RAB11FIP5: variants seen among roughly 807,000 people sequenced by gnomAD.
RAB11FIP5 encodes the protein RAB11 family interacting protein 5.
In RAB11FIP5, 48 loss-of-function variants were observed where a neutral mutation model predicts 85.1. The ratio of observed to expected loss-of-function variants is 0.56; its 90% CI spans 0.45 to 0.72. The LOEUF (loss-of-function observed/expected upper bound fraction) is 0.72, where lower values mean the gene tolerates loss of function less well. Ranked by LOEUF, RAB11FIP5 falls within the 30% of genes least tolerant of loss-of-function variation. RAB11FIP5 has a pLI of 0.00. For synonymous variants in RAB11FIP5, 729 were observed against 727.3 expected (o/e 1.00, Z -0.04); for missense variants, 1,491 against 1,687.0 (o/e 0.88, Z 2.04).
At chr2:73,111,881 G>T (rs1037336020) in intron 1 of RAB11FIP5, among the ~76,000 whole-genome samples, 4 of 152,136 alleles carry the variant, frequency 2.6e-5, no homozygotes, top group African/African-American at 9.7e-5. Context: ...ATTCAACCTC[G>T]CCCTGGAGGA....
intron 3 of RAB11FIP5, among the ~76,000 whole-genome samples, chr2:73,087,393 C>T (rs1473179882): frequency 1.3e-5 from 2 of 152,224 alleles, no homozygotes; most frequent in East Asian, 3.8e-4. Flanking sequence ...CAGCACTTCC[C>T]ACGGTGCCAT....
chr2:73,108,338 G>T (rs981427365), intron 1 of RAB11FIP5, among the ~76,000 whole-genome samples: 1 of 152,192 alleles, frequency 6.6e-6, no homozygotes, highest in East Asian at 1.9e-4. Flanking sequence ...TGACGATCCT[G>T]TCTGCCACAC....
chr2:73,088,685 G>A lies in RAB11FIP5; in HGVS notation c.933C>T (p.Asn311=). Residue 311 remains asparagine, a synonymous_variant, in exon 3 of 6, where the codon AAC becomes AAT. Coordinates refer to ENST00000486777, the MANE Select transcript of RAB11FIP5 (RefSeq NM_001371272.1). ...CCCGAGGAGGAGCCACTCGCATCTG[G>A]TTGGCCTCATCGCTGTAGGTCCTCT... ...THKRTYSDEA[N]QMRVAPPRAL... is the part of the protein sequence containing the mutation. 1.2e-6 allele frequency: 2 copies of A among 1,612,968 alleles called. No homozygotes were observed. Among genetic ancestry groups the A allele is most frequent in the Middle Eastern group, 1.7e-4 (1 of 6,060 alleles).
chr2:73,101,951 C>G (rs13416751), intron 1 of RAB11FIP5, among the ~76,000 whole-genome samples: 2 of 152,142 alleles, frequency 1.3e-5, no homozygotes, highest in South Asian at 4.1e-4. Flanking sequence ...AGAGCTTATG[C>G]CTTGGTGGAG....
intron 1 of RAB11FIP5, among the ~76,000 whole-genome samples, chr2:73,105,915 A>AAGGGGATG (rs1684516694): frequency 6.6e-6 from 1 of 152,242 alleles, no homozygotes; most frequent in African/African-American, 2.4e-5. Flanking sequence ...TGCTGTGGTC[A>AAGGGGATG]AGTCCAGTGA....
At chr2:73,090,751 G>A (rs570372238) in intron 1 of RAB11FIP5, among the ~76,000 whole-genome samples, 1 of 152,372 alleles carries the variant, frequency 6.6e-6, no homozygotes, top group African/African-American at 2.4e-5. Flanking sequence ...AGAGGACAGA[G>A]CGATGAATAG....
rs755426643 is a variant in RAB11FIP5, at chr2:73,075,416, A to C, written c.*105T>G. 8.4e-6 allele frequency: 10 copies of C among 1,183,494 alleles called. No individual in the cohort carries two copies. In the East Asian group the frequency reaches 2.3e-4, roughly 28 times the overall value. The allele number at this position is 1,183,494 out of a possible 1,614,324, so 73.3% of individuals were successfully genotyped here. A position where few individuals can be genotyped will look rare whatever the true frequency, so the allele number is the denominator to read the frequency against. On this transcript the variant is annotated 3_prime_UTR_variant, in exon 6 of 6. Coordinates refer to ENST00000486777, the MANE Select transcript of RAB11FIP5 (RefSeq NM_001371272.1). This position sits in a 1 kb window ranked among gnomAD's most constrained non-coding sequence, Gnocchi z 4.6. Reference sequence around the variant, plus strand: ...AGGAGGGAGAGGAGCAAGGAGTGACAAGGCAAGACAGACGATGCCCCACTG... The same window carrying C: ...AGGAGGGAGAGGAGCAAGGAGTGACCAGGCAAGACAGACGATGCCCCACTG...
At chr2:73,088,833 G>C in intron 2 of RAB11FIP5, 46 bp downstream of exon 2, 1 of 1,537,066 alleles carries the variant, frequency 6.5e-7, no homozygotes, top group Non-Finnish European at 8.7e-7. Flanking sequence ...CCCAAGGGGA[G>C]AGCCAGTGCC....
Position 73,089,209 on chromosome 2 carries a change from G to C in RAB11FIP5, c.538C>G (p.Leu180Val), listed in dbSNP as rs1349556321. Residue 180 changes from leucine (L) to valine (V), a missense_variant, in exon 2 of 6, where the codon CTG becomes GTG. Physicochemically the swap from Leu to Val is conservative, Grantham distance 32. Around this residue, in one of 3 missense-constraint regions of RAB11FIP5, gnomAD observed 1,211 missense variants for 1,338.0 expected, o/e 0.91. Transcript: ENST00000486777. This position sits in a 1 kb window ranked among gnomAD's most constrained non-coding sequence, Gnocchi z 4.6. Reference sequence around the variant, plus strand: ...GACCTTGGCTTGTCCTTCATGGACAGGTCAAACATACTGGCGCTCAGGTTG... The same window carrying C: ...GACCTTGGCTTGTCCTTCATGGACACGTCAAACATACTGGCGCTCAGGTTG... ...RNNLSASMFD[L>V]SMKDKPRSPF... The C allele has an allele frequency of 1.9e-6, 3 of 1,614,202 alleles. No individual in the cohort carries two copies. Among genetic ancestry groups the C allele is most frequent in the Non-Finnish European group, 2.5e-6 (3 of 1,180,036 alleles).
chr2:73,076,879 G>A lies in RAB11FIP5; in HGVS notation c.3582-697C>T, dbSNP rs143076827. Among the ~76,000 whole-genome samples the A allele has an allele frequency of 3.3e-5, 5 of 152,186 alleles. No homozygotes were observed. In the East Asian group the frequency reaches 5.8e-4, roughly 18 times the overall value. ...TTAGAACAGGACGTCGGTCTCTACC[G>A]GCCCACCACAAGTGGACTTGTTGAG... On this transcript the variant is annotated intron_variant, in intron 4 of 5. Transcript: ENST00000486777.
rs1337792797 is a variant in RAB11FIP5, at chr2:73,075,327, G to A, written c.*194C>T. ...GGGCTCCCAAAGACACACAAGTTGT[G>A]CACAGAACCTGATGCCTCCAAAGGG... is the stretch of plus-strand genomic sequence containing the variant. On this transcript the variant is annotated 3_prime_UTR_variant, in exon 6 of 6. Transcript: ENST00000486777. The surrounding 1 kb of genome is among the most constrained non-coding windows in gnomAD (Gnocchi z 4.6). The A allele has an allele frequency of 4.2e-6, 3 of 713,202 alleles. No homozygotes were observed. Among genetic ancestry groups the A allele is most frequent in the Non-Finnish European group, 7.6e-6 (3 of 394,106 alleles). The allele number at this position is 713,202 out of a possible 1,614,324, so 44.2% of individuals were successfully genotyped here.
chr2:73,076,306 G>T (rs1683860892), intron 4 of RAB11FIP5, 124 bp from the exon 5 acceptor site: 2 of 938,682 alleles, frequency 2.1e-6, no homozygotes, highest in Non-Finnish European at 3.2e-6. Context: ...GGTGGTAGCT[G>T]CCCCTACAGA....
intron 3 of RAB11FIP5, among the ~76,000 whole-genome samples, chr2:73,085,393 G>A (rs1029161044): frequency 1.1e-4 from 16 of 152,140 alleles, no homozygotes; most frequent in African/African-American, 2.9e-4. Context: ...TGTGGGGGGC[G>A]GGGAACAAGG....
rs188616518 is a variant in RAB11FIP5 at position 73,106,697 on chromosome 2, G to A, written c.431+5650C>T. ...TTTACCCCAAATCCTACAGCTCTGT[G>A]GGCTGCCCGGGTCTAATGGAAACCA... On this transcript the variant is annotated intron_variant, in intron 1 of 5. Transcript: ENST00000486777. Among the ~76,000 whole-genome samples the A allele has an allele frequency of 3.5e-3, 536 of 152,320 alleles. 5 individuals carry two copies. The highest frequency in any genetic ancestry group is 0.012 in the African/African-American group (511 of 41,572).
At position 73,074,736 on chromosome 2, in the gene RAB11FIP5, G is replaced by T. The variant is rs932761515; in HGVS notation, c.*785C>A. 3.0e-5 allele frequency: 5 copies of T among 168,394 alleles called. No homozygotes were observed. The highest frequency in any genetic ancestry group is 9.6e-5 in the African/African-American group (4 of 41,862). The allele number at this position is 168,394 out of a possible 1,614,324, so 10.4% of individuals were successfully genotyped here. On this transcript the variant is annotated 3_prime_UTR_variant, in exon 6 of 6. Transcript: ENST00000486777. Reference sequence around the variant, plus strand: ...AAATCATAAGCAGTCCCAAGCCCCAGCCTGGAGGGACCTACACATTGGAGG... The same window carrying T: ...AAATCATAAGCAGTCCCAAGCCCCATCCTGGAGGGACCTACACATTGGAGG...
Position 73,081,500 on chromosome 2 carries a change from C to A in RAB11FIP5, c.1732G>T (p.Ala578Ser). 1 of 1,233,942 alleles carries A rather than the reference C, an allele frequency of 8.1e-7. No individual in the cohort carries two copies. The highest frequency in any genetic ancestry group is 4.1e-5 in the South Asian group (1 of 24,660). The allele number at this position is 1,233,942 out of a possible 1,614,324, so 76.4% of individuals were successfully genotyped here. A position where few individuals can be genotyped will look rare whatever the true frequency, so the allele number is the denominator to read the frequency against. The change falls in exon 4 of 6, where the codon GCT becomes TCT. Residue 578 changes from alanine to serine, a missense_variant. Physicochemically the swap from Ala to Ser is moderately conservative, Grantham distance 99. Coordinates refer to ENST00000486777, the MANE Select transcript of RAB11FIP5 (RefSeq NM_001371272.1). This position sits in a 1 kb window ranked among gnomAD's most constrained non-coding sequence, Gnocchi z 4.2. ...TCAGGGGCGGCGGTGGTGGCGGCAG[C>A]GGCAGCAGTGGCAGCAGCGGGGGAG... is the stretch of plus-strand genomic sequence containing the variant. ...AASPAAATAA[A>S]AATTAAPEAT...
rs1442132121 is a variant in RAB11FIP5 at position 73,075,520 on chromosome 2, G to A, written c.*1C>T. 9 of 1,613,940 alleles carry A rather than the reference G, an allele frequency of 5.6e-6. No homozygotes were observed. In the South Asian group the frequency reaches 8.8e-5, roughly 16 times the overall value. On this transcript the variant is annotated 3_prime_UTR_variant, in exon 6 of 6. Coordinates refer to ENST00000486777, the MANE Select transcript of RAB11FIP5 (RefSeq NM_001371272.1). This position sits in a 1 kb window ranked among gnomAD's most constrained non-coding sequence, Gnocchi z 4.6. ...CCCTCCTGGGGGTAGGGTGAGGAAG[G>A]CTATTTGGGGGGGCCCGGGGGGATC... is the stretch of plus-strand genomic sequence containing the variant.
At chr2:73,100,160 A>G (rs1684400167) in intron 1 of RAB11FIP5, among the ~76,000 whole-genome samples, 1 of 152,190 alleles carries the variant, frequency 6.6e-6, no homozygotes, top group Admixed American at 6.5e-5. Flanking sequence ...CTGGGGCTCC[A>G]GAGGAATCCT....
chr2:73,112,307 G>C, intron 1 of RAB11FIP5, 40 bp downstream of exon 1: 1 of 1,525,648 alleles, frequency 6.6e-7, no homozygotes, highest in Non-Finnish European at 8.7e-7. Flanking sequence ...CGCCCTGTTA[G>C]GCCTTTAGCC....
Sources: allele counts gnomAD v4.1 joint callset (sites outside exome capture counted in the v4.1 genomes callset), GRCh38; gene constraint gnomAD v4.1.1; regional missense constraint gnomAD v4.1.1; non-coding constraint Gnocchi (gnomAD v3.1); transcripts MANE v1.5; gene names NCBI Gene and HGNC (gene_info 2026-07-23, HGNC 2026-07-21).